MARCHF1: variants seen among roughly 807,000 people sequenced by gnomAD.
The protein encoded by MARCHF1 is membrane associated ring-CH-type finger 1.
MARCHF1 carries 40 observed loss-of-function variants against 54.2 expected under a neutral mutation model. That is an observed-to-expected ratio of 0.74 (90% CI 0.57 to 0.96). The LOEUF is 0.96. MARCHF1 is among the 40% of genes least tolerant of loss of function. The probability of loss-of-function intolerance (pLI) is 0.00; values close to 1 mark genes in which losing one functional copy is unlikely to be tolerated. For missense variants in MARCHF1, 586 were observed against 656.5 expected (o/e 0.89, Z 1.17); for synonymous variants, 236 against 236.3 (o/e 1.00, Z 0.01).
At chr4:163,757,478 G>T (rs1746709992) in intron 4 of MARCHF1, among the ~76,000 whole-genome samples, 1 of 152,166 alleles carries the variant, frequency 6.6e-6, no homozygotes, top group Admixed American at 6.5e-5. Context: ...TCCCTATTTT[G>T]AGTCTGTAAT....
chr4:163,838,337 T>C (rs1013082225), intron 4 of MARCHF1, among the ~76,000 whole-genome samples: 11 of 152,108 alleles, frequency 7.2e-5, no homozygotes, highest in Admixed American at 1.3e-4. Context: ...ATGGAAATAG[T>C]TGTTATACCA....
At chr4:163,771,753 T>C (rs981357493) in intron 4 of MARCHF1, among the ~76,000 whole-genome samples, 3 of 152,216 alleles carry the variant, frequency 2.0e-5, no homozygotes, top group Non-Finnish European at 4.4e-5. Flanking sequence ...CCAGCAATTC[T>C]GATCTCAAGG....
chr4:163,730,123 C>A (rs1455336190), intron 4 of MARCHF1, among the ~76,000 whole-genome samples: 1 of 152,046 alleles, frequency 6.6e-6, no homozygotes, highest in East Asian at 1.9e-4. Context: ...TTTACATTGT[C>A]TTATCTTCAA....
intron 7 of MARCHF1, among the ~76,000 whole-genome samples, chr4:163,588,852 A>G (rs562246744): frequency 3.9e-5 from 6 of 152,260 alleles, no homozygotes; most frequent in African/African-American, 9.6e-5. Flanking sequence ...ATGGTCATAG[A>G]TCTCTGTCTT....
At chr4:163,854,706 A>T (rs1264133953) in intron 3 of MARCHF1, among the ~76,000 whole-genome samples, 1 of 152,226 alleles carries the variant, frequency 6.6e-6, no homozygotes, top group Non-Finnish European at 1.5e-5. Context: ...AGTATAATAA[A>T]TTAAGTATAT....
chr4:163,554,757 T>TG (rs1739228862), intron 8 of MARCHF1, among the ~76,000 whole-genome samples: 1 of 152,218 alleles, frequency 6.6e-6, no homozygotes, highest in Non-Finnish European at 1.5e-5. Flanking sequence ...AAAAATAGTG[T>TG]GACCAGTAAA....
At position 164,210,776 on chromosome 4, in the gene MARCHF1, T is replaced by A. The variant is rs181996410; in HGVS notation, c.-322-99114A>T. Reference sequence around the variant, plus strand: ...ATGTTCATTTCTACATTATTGACAATAGCCAAGACAAGGAAGCAACCTAAG... The same window carrying A: ...ATGTTCATTTCTACATTATTGACAAAAGCCAAGACAAGGAAGCAACCTAAG... On this transcript the variant is annotated intron_variant, in intron 1 of 9. Transcript: ENST00000514618. 1.1e-3 allele frequency among the ~76,000 whole-genome samples: 169 copies of A among 152,122 alleles called. 1 individual carries two copies. The Middle Eastern group carries it at 0.027, about 24-fold the overall frequency.
chr4:163,594,783 C>G (rs1740708289), intron 7 of MARCHF1, among the ~76,000 whole-genome samples: 1 of 150,788 alleles, frequency 6.6e-6, no homozygotes, highest in East Asian at 2.0e-4. Flanking sequence ...CACACACACA[C>G]ACACCCAAAC....
chr4:163,843,684 C>A (rs1000579725), intron 4 of MARCHF1, among the ~76,000 whole-genome samples: 3 of 152,072 alleles, frequency 2.0e-5, no homozygotes, highest in African/African-American at 7.2e-5. Flanking sequence ...CCCTAATTCT[C>A]TCCCCCTGCC....
intron 1 of MARCHF1, among the ~76,000 whole-genome samples, chr4:164,312,777 C>T (rs1385643710): frequency 6.6e-6 from 1 of 152,040 alleles, no homozygotes; most frequent in Non-Finnish European, 1.5e-5. Flanking sequence ...ATTTTAATAA[C>T]CTTTTTCAAA....
intron 4 of MARCHF1, among the ~76,000 whole-genome samples, chr4:163,787,545 A>T (rs1747657094): frequency 6.6e-6 from 1 of 151,820 alleles, no homozygotes; most frequent in African/African-American, 2.4e-5. Flanking sequence ...ACCCATTAGG[A>T]TGGCTACTAT....
Position 163,917,206 on chromosome 4 carries a change from A to C in MARCHF1, c.-38-63037T>G, listed in dbSNP as rs191084131. 2.7e-4 allele frequency among the ~76,000 whole-genome samples: 41 copies of C among 152,266 alleles called. No individual in the cohort carries two copies. The East Asian group carries it at 4.6e-3, about 17-fold the overall frequency. The stretch of plus-strand genomic sequence containing the variant: ...AATTTCTTTTTAGCAATAACGAATA[A>C]ACCCGTTATAAACATCTGTGCACAG... On this transcript the variant is annotated intron_variant, in intron 3 of 9. Transcript: ENST00000514618.
At chr4:164,289,076 T>TC (rs911793545) in intron 1 of MARCHF1, among the ~76,000 whole-genome samples, 20 of 152,048 alleles carry the variant, frequency 1.3e-4, no homozygotes, top group African/African-American at 4.8e-4. Flanking sequence ...CACTCATTTT[T>TC]CCCTCAACAA....
intron 3 of MARCHF1, among the ~76,000 whole-genome samples, chr4:163,888,353 C>G (rs796287314): frequency 2.5e-4 from 38 of 152,160 alleles, no homozygotes; most frequent in African/African-American, 8.7e-4. Context: ...GACATGGAAA[C>G]AAAATATAAA....
intron 3 of MARCHF1, among the ~76,000 whole-genome samples, chr4:163,969,699 G>T (rs1390885731): frequency 1.3e-5 from 2 of 152,134 alleles, no homozygotes; most frequent in Non-Finnish European, 2.9e-5. Context: ...ATGCTTCTAT[G>T]ATCTAATTTT....
chr4:163,847,303 A>G (rs919250946), intron 4 of MARCHF1, among the ~76,000 whole-genome samples: 2 of 152,188 alleles, frequency 1.3e-5, no homozygotes, highest in African/African-American at 4.8e-5. Flanking sequence ...ACAAAATTAA[A>G]TGATTATTTT....
chr4:164,060,870 A>G (rs1202836105), intron 2 of MARCHF1, among the ~76,000 whole-genome samples: 2 of 152,204 alleles, frequency 1.3e-5, no homozygotes, highest in African/African-American at 4.8e-5. Context: ...CATGCATCAC[A>G]TTAAGATTTG....
intron 1 of MARCHF1, among the ~76,000 whole-genome samples, chr4:164,277,405 C>CT (rs1323084166): frequency 6.6e-6 from 1 of 152,228 alleles, no homozygotes; most frequent in African/African-American, 2.4e-5. Flanking sequence ...ATATAAGTTC[C>CT]TGCAGAATGC....
intron 1 of MARCHF1, among the ~76,000 whole-genome samples, chr4:164,148,088 A>G (rs911926452): frequency 1.3e-5 from 2 of 151,972 alleles, no homozygotes; most frequent in Admixed American, 6.6e-5. Context: ...CCAAAAGTAC[A>G]TTATGGTAAT....
Sources: gnomAD v4.1 joint callset for allele counts (sites outside exome capture counted in the v4.1 genomes callset) on GRCh38, gnomAD v4.1.1 for gene constraint, MANE v1.5 for transcripts, NCBI Gene and HGNC (gene_info 2026-07-23, HGNC 2026-07-21) for gene names.